SGF29: variants seen among roughly 807,000 people sequenced by gnomAD.
SGF29 encodes the protein SAGA complex associated factor 29.
Under a neutral mutation model 38.1 loss-of-function variants are expected in SGF29, and 15 were observed. That is an observed-to-expected ratio of 0.39 (90% CI 0.26 to 0.61). The LOEUF is 0.61. SGF29 is among the 20% of genes least tolerant of loss of function. SGF29 has a pLI of 0.49. For missense variants in SGF29, 184 were observed against 394.6 expected, an observed-to-expected ratio of 0.47 and a Z score of 4.52; for synonymous variants, 151 against 160.8, an observed-to-expected ratio of 0.94 and a Z score of 0.46.
In SGF29 at chr16:28,590,949, C is replaced by T. The variant is rs373479351; in HGVS notation, c.765+14C>T. On this transcript the variant is annotated intron_variant, in intron 9 of 9. Coordinates refer to ENST00000317058, the MANE Select transcript of SGF29 (RefSeq NM_138414.3). The surrounding 1 kb of genome is among the most constrained non-coding windows in gnomAD (Gnocchi z 8.2). Reference sequence around the variant, plus strand: ...CCCCCACAGCGGGTAAAGCAGCCTCCAGGGGAGAGGCCATGGGTGATGTCA... The same window carrying T: ...CCCCCACAGCGGGTAAAGCAGCCTCTAGGGGAGAGGCCATGGGTGATGTCA... 1.9e-6 allele frequency: 3 copies of T among 1,598,614 alleles called. No individual in the cohort carries two copies. Among genetic ancestry groups the T allele is most frequent in the South Asian group, 1.1e-5 (1 of 89,168 alleles).
intron 1 of SGF29, among the ~76,000 whole-genome samples, chr16:28,573,716 C>T (rs945487127): frequency 6.6e-6 from 1 of 152,066 alleles, no homozygotes; most frequent in Non-Finnish European, 1.5e-5. Flanking sequence ...ACAGGCATTG[C>T]TATACAGAGC....
At chr16:28,580,219 T>C (rs560810090) in intron 1 of SGF29, among the ~76,000 whole-genome samples, 2 of 152,316 alleles carry the variant, frequency 1.3e-5, no homozygotes, top group Non-Finnish European at 2.9e-5. Context: ...GTCGAACATA[T>C]GACATTCAAA....
chr16:28,573,629 C>T (rs567535903), intron 1 of SGF29, among the ~76,000 whole-genome samples: 53 of 152,268 alleles, frequency 3.5e-4, no homozygotes, highest in South Asian at 1.9e-3. Flanking sequence ...AAAGGATTCG[C>T]TGACAGTCGG....
chr16:28,591,134 GC>G (rs756014996), intron 9 of SGF29, among the ~76,000 whole-genome samples, 199 bp downstream of exon 9: 4 of 152,146 alleles, frequency 2.6e-5, no homozygotes, highest in Non-Finnish European at 4.4e-5. Context: ...GCCTTGGCAA[GC>G]CCCGAGTCAG....
Position 28,589,322 on chromosome 16 carries a change from G to A in SGF29, c.289+158G>A, listed in dbSNP as rs544041923. 8.2e-4 allele frequency: 567 copies of A among 688,396 alleles called. 1 individual carries two copies. The highest frequency in any genetic ancestry group is 1.1e-3 in the Non-Finnish European group (455 of 401,078). 42.6% of individuals were successfully genotyped at this position (688,396 alleles called of 1,614,324 possible). A position where few individuals can be genotyped will look rare whatever the true frequency, so the allele number is the denominator to read the frequency against. On this transcript the variant is annotated intron_variant, in intron 5 of 9. Coordinates refer to ENST00000317058, the MANE Select transcript of SGF29 (RefSeq NM_138414.3). ...TGGCTCTACCACTGAGAAGGGACAG[G>A]AGGTCATTCCCAGTGCCCAGAGGCA...
intron 4 of SGF29, 129 bp from the exon 5 acceptor site, chr16:28,588,971 A>T: frequency 1.1e-6 from 1 of 899,252 alleles, no homozygotes; most frequent in Non-Finnish European, 1.8e-6. Context: ...GCAGGAGGCT[A>T]CTGTGAGAAC....
chr16:28,574,088 C>T (rs1256528728), intron 1 of SGF29, among the ~76,000 whole-genome samples: 3 of 152,194 alleles, frequency 2.0e-5, no homozygotes, highest in Admixed American at 2.0e-4. Context: ...CACTTCTTGC[C>T]TGTTAAGAAT....
intron 2 of SGF29, among the ~76,000 whole-genome samples, chr16:28,584,322 G>C (rs1157006667): frequency 1.3e-5 from 2 of 151,952 alleles, no homozygotes; most frequent in Non-Finnish European, 2.9e-5. Flanking sequence ...TTTTGCATTA[G>C]TCAAAGGAGA....
chr16:28,588,499 A>G (rs2046967942), intron 4 of SGF29: 2 of 354,150 alleles, frequency 5.6e-6, no homozygotes, highest in African/African-American at 2.2e-5. Context: ...AGTTTTTGGC[A>G]TGCTGCTTTC....
At chr16:28,591,056 G>C (rs2046987195) in intron 9 of SGF29, 121 bp downstream of exon 9, 1 of 1,264,818 alleles carries the variant, frequency 7.9e-7, no homozygotes, top group African/African-American at 1.5e-5. Flanking sequence ...AAGCTGACAG[G>C]ACCCACCAGC....
chr16:28,585,529 T>G, intron 3 of SGF29, 119 bp from the exon 4 acceptor site: 1 of 904,676 alleles, frequency 1.1e-6, no homozygotes, highest in Non-Finnish European at 1.8e-6. Flanking sequence ...CCAGCAGAGC[T>G]CTGACTGCAG....
At position 28,590,324 on chromosome 16, in the gene SGF29, G is replaced by C; in HGVS notation, c.448G>C (p.Ala150Pro). The C allele has an allele frequency of 6.2e-7, 1 of 1,612,252 alleles. No individual in the cohort carries two copies. The highest frequency in any genetic ancestry group is 8.5e-7 in the Non-Finnish European group (1 of 1,179,186). ...CCCACCCCTCTGTGGGGCCATCCCT[G>C]CCTCAGGAGACTACGTGGCCAGACC... ...KPPPLCGAIP[A>P]SGDYVARPGD... Residue 150 changes from alanine to proline, a missense_variant, in exon 7 of 10, where the codon GCC (alanine) becomes CCC (proline). Physicochemically the swap from Ala to Pro is conservative, Grantham distance 27. Around this residue, in one of 2 missense-constraint regions of SGF29, gnomAD observed 107 missense variants for 276.9 expected, o/e 0.39. Coordinates refer to ENST00000317058, the MANE Select transcript of SGF29 (RefSeq NM_138414.3). This position sits in a 1 kb window ranked among gnomAD's most constrained non-coding sequence, Gnocchi z 8.2.
At chr16:28,576,610 G>A (rs919232089) in intron 1 of SGF29, among the ~76,000 whole-genome samples, 5 of 151,968 alleles carry the variant, frequency 3.3e-5, no homozygotes, top group Admixed American at 2.6e-4. Flanking sequence ...TGAGGCAGGA[G>A]AATTGCTTGA....
intron 1 of SGF29, among the ~76,000 whole-genome samples, chr16:28,556,450 C>T (rs947421012): frequency 2.0e-5 from 3 of 152,096 alleles, no homozygotes; most frequent in Non-Finnish European, 2.9e-5. Flanking sequence ...CGGTTTCAAG[C>T]GATTCTCCTG....
At chr16:28,589,001 C>A in intron 4 of SGF29, 99 bp from the exon 5 acceptor site, 1 of 1,293,924 alleles carries the variant, frequency 7.7e-7, no homozygotes, top group Non-Finnish European at 1.1e-6. Context: ...CCGGGACCAG[C>A]CTGGGCAATG....
chr16:28,566,562 G>A (rs2046837285), intron 1 of SGF29, among the ~76,000 whole-genome samples: 1 of 151,910 alleles, frequency 6.6e-6, no homozygotes, highest in South Asian at 2.1e-4. Flanking sequence ...GCCAAGGTGG[G>A]CAAATCACTT....
chr16:28,556,576 A>G (rs1224857416), intron 1 of SGF29, among the ~76,000 whole-genome samples: 1 of 152,106 alleles, frequency 6.6e-6, no homozygotes. Context: ...TGAACTCCTG[A>G]TCTTAGTTGA....
intron 1 of SGF29, among the ~76,000 whole-genome samples, chr16:28,560,156 A>G (rs1351236477): frequency 1.3e-5 from 2 of 152,000 alleles, no homozygotes; most frequent in East Asian, 1.9e-4. Context: ...GTTTGAACCC[A>G]GGAAGTGGAG....
chr16:28,589,163 T>C lies in SGF29; in HGVS notation c.288T>C (p.Ile96=), dbSNP rs1467130810. 4.3e-6 allele frequency: 7 copies of C among 1,613,878 alleles called. No individual in the cohort carries two copies. The highest frequency in any genetic ancestry group is 1.3e-5 in the African/African-American group (1 of 74,894). ...EIKSLLEERR[I]AAKIAGLYND... is the part of the protein sequence containing the mutation. ...AGTCTCTGTTGGAAGAGAGGCGGAT[T>C]GGTGAGTGGGAGAGAACATGCTGGG... The change falls in exon 5 of 10, where the codon ATT becomes ATC. Residue 96 remains isoleucine, a splice_region_variant and synonymous_variant. Transcript: ENST00000317058.
Sources: allele counts gnomAD v4.1 joint callset (sites outside exome capture counted in the v4.1 genomes callset), GRCh38; gene constraint gnomAD v4.1.1; regional missense constraint gnomAD v4.1.1; non-coding constraint Gnocchi (gnomAD v3.1); transcripts MANE v1.5; gene names NCBI Gene and HGNC (gene_info 2026-07-23, HGNC 2026-07-21).